The following RBFOX1 variants were observed in gnomAD, a reference collection of about 807,000 sequenced individuals.
The protein encoded by RBFOX1 is RNA binding protein fox-1 homolog 1.
In RBFOX1, 8 loss-of-function variants were observed where a neutral mutation model predicts 57.7. That is an observed-to-expected ratio of 0.14 (90% CI 0.08 to 0.25). The LOEUF (loss-of-function observed/expected upper bound fraction) is 0.25. Among genes scored for constraint, RBFOX1 ranks in the 10% least tolerant of loss-of-function variants. RBFOX1 has a pLI of 1.00. For synonymous variants in RBFOX1, 326 were observed against 222.4 expected (o/e 1.47, Z -4.15); for missense variants, 611 against 548.5 (o/e 1.11, Z -1.14).
chr16:7,391,168 C>G (rs982167625), intron 4 of RBFOX1, among the ~76,000 whole-genome samples: 4 of 152,192 alleles, frequency 2.6e-5, no homozygotes, highest in African/African-American at 9.7e-5. Flanking sequence ...TGTCCAGACA[C>G]TGCCCCCTGC....
chr16:5,633,685 C>T (rs1469552302), intron 3 of RBFOX1, among the ~76,000 whole-genome samples: 1 of 151,996 alleles, frequency 6.6e-6, no homozygotes, highest in Non-Finnish European at 1.5e-5. Context: ...GTCAGCCTGG[C>T]CAACATCGTG....
At chr16:6,791,652 G>A (rs376799735) in intron 3 of RBFOX1, among the ~76,000 whole-genome samples, 142 of 152,222 alleles carry the variant, frequency 9.3e-4, no homozygotes, top group African/African-American at 3.2e-3. Flanking sequence ...CCAGCTACTC[G>A]GGAGGCTGAG....
At chr16:5,984,251 A>C (rs989666727) in intron 4 of RBFOX1, among the ~76,000 whole-genome samples, 18 of 142,544 alleles carry the variant, frequency 1.3e-4, no homozygotes, top group African/African-American at 4.5e-4. Context: ...GGAGCAATAA[A>C]AGTCCCTATT....
chr16:7,244,225 C>T (rs367809567), intron 4 of RBFOX1, among the ~76,000 whole-genome samples: 2 of 128,320 alleles, frequency 1.6e-5, no homozygotes, highest in East Asian at 2.3e-4. Context: ...AGAGTCTGTT[C>T]TAGGAAAATG....
At chr16:7,524,811 G>A (rs1243010745) in intron 5 of RBFOX1, among the ~76,000 whole-genome samples, 1 of 152,192 alleles carries the variant, frequency 6.6e-6, no homozygotes, top group Non-Finnish European at 1.5e-5. Flanking sequence ...ATGGTGTCCT[G>A]TTCTTAACCC....
intron 4 of RBFOX1, among the ~76,000 whole-genome samples, chr16:7,077,015 C>G (rs2058413849): frequency 6.6e-6 from 1 of 152,258 alleles, no homozygotes; most frequent in East Asian, 1.9e-4. Context: ...CAAAGACATC[C>G]ATCTGATTTC....
chr16:6,943,735 C>T (rs928838559), intron 3 of RBFOX1, among the ~76,000 whole-genome samples: 2 of 151,630 alleles, frequency 1.3e-5, no homozygotes, highest in Non-Finnish European at 1.5e-5. Context: ...AAAGTATTCG[C>T]CTGTAACAAT....
intron 3 of RBFOX1, among the ~76,000 whole-genome samples, chr16:6,790,708 C>T (rs1226720676): frequency 1.3e-5 from 2 of 152,140 alleles, no homozygotes; most frequent in East Asian, 3.9e-4. Context: ...TCAGTCTTGG[C>T]TCTCCATCCC....
At chr16:5,959,574 T>G (rs1245834663) in intron 4 of RBFOX1, among the ~76,000 whole-genome samples, 2 of 152,214 alleles carry the variant, frequency 1.3e-5, no homozygotes, top group African/African-American at 2.4e-5. Context: ...TTTAAGTTTC[T>G]GATGAAGGAA....
intron 3 of RBFOX1, among the ~76,000 whole-genome samples, chr16:5,791,685 C>T (rs866698293): frequency 1.4e-4 from 22 of 152,184 alleles, no homozygotes; most frequent in Admixed American, 1.0e-3. Flanking sequence ...TAACCACAGA[C>T]TGCATTCTAG....
intron 4 of RBFOX1, among the ~76,000 whole-genome samples, chr16:5,937,917 T>C (rs1335208602): frequency 6.6e-6 from 1 of 152,134 alleles, no homozygotes; most frequent in East Asian, 1.9e-4. Flanking sequence ...ACTTATTTCT[T>C]ATCGATGTCA....
intron 3 of RBFOX1, among the ~76,000 whole-genome samples, chr16:5,783,009 C>G (rs868234363): frequency 7.2e-5 from 11 of 152,190 alleles, no homozygotes; most frequent in South Asian, 2.1e-4. Context: ...TTTAAATACT[C>G]TTTGCATCCC....
chr16:5,642,003 C>A (rs977873556), intron 3 of RBFOX1, among the ~76,000 whole-genome samples: 1 of 152,152 alleles, frequency 6.6e-6, no homozygotes, highest in Non-Finnish European at 1.5e-5. Flanking sequence ...AGTGAGTTCT[C>A]AGGGGATACC....
chr16:7,705,896 G>A (rs935537304), intron 14 of RBFOX1, among the ~76,000 whole-genome samples: 4 of 152,166 alleles, frequency 2.6e-5, no homozygotes, highest in African/African-American at 7.2e-5. Flanking sequence ...GTGGGCACAT[G>A]GAGATCATCA....
intron 4 of RBFOX1, among the ~76,000 whole-genome samples, chr16:7,157,999 A>G (rs377731578): frequency 2.0e-5 from 3 of 152,310 alleles, no homozygotes; most frequent in East Asian, 3.9e-4. Flanking sequence ...AAGAAATAAT[A>G]CAGAAAAATT....
At chr16:5,549,403 G>A (rs914296214) in intron 2 of RBFOX1, among the ~76,000 whole-genome samples, 7 of 152,186 alleles carry the variant, frequency 4.6e-5, no homozygotes, top group Admixed American at 2.6e-4. Flanking sequence ...GGTGGGTGAC[G>A]TTGATCAGAA....
At chr16:5,899,613 C>G (rs1265952150) in intron 4 of RBFOX1, among the ~76,000 whole-genome samples, 1 of 152,128 alleles carries the variant, frequency 6.6e-6, no homozygotes, top group East Asian at 1.9e-4. Context: ...GAGCAAGATT[C>G]TGATGTCGGG....
At chr16:6,115,982 G>T (rs527742005) in intron 1 of RBFOX1, among the ~76,000 whole-genome samples, 1 of 152,262 alleles carries the variant, frequency 6.6e-6, no homozygotes, top group Admixed American at 6.5e-5. Context: ...TATATTTGTT[G>T]TAGCACTGTT....
At chr16:7,038,120 G>C (rs370161484) in intron 3 of RBFOX1, among the ~76,000 whole-genome samples, 1 of 152,152 alleles carries the variant, frequency 6.6e-6, no homozygotes, top group Non-Finnish European at 1.5e-5. Flanking sequence ...TGGATGTAGA[G>C]AGGGGGATGA....
Sources: allele counts gnomAD v4.1 joint callset (sites outside exome capture counted in the v4.1 genomes callset), GRCh38; gene constraint gnomAD v4.1.1; transcripts MANE v1.5; gene names NCBI Gene and HGNC (gene_info 2026-07-23, HGNC 2026-07-21).